The following MEGF11 variants were observed in gnomAD, a reference collection of about 807,000 sequenced individuals.
MEGF11 encodes the protein multiple epidermal growth factor-like domains protein 11.
In MEGF11, 126 loss-of-function variants were observed where a neutral mutation model predicts 146.6. That is an observed-to-expected ratio of 0.86 (90% CI 0.74 to 1.00). MEGF11 has a LOEUF of 1.00. Ranked by LOEUF, MEGF11 falls within the 50% of genes least tolerant of loss-of-function variation. MEGF11 has a pLI of 0.00. For missense variants in MEGF11, 1,509 were observed against 1,521.2 expected (o/e 0.99, Z 0.13); for synonymous variants, 532 against 583.4 (o/e 0.91, Z 1.27).
chr15:66,003,070 T>C (rs901195625), intron 5 of MEGF11, among the ~76,000 whole-genome samples: 5 of 152,122 alleles, frequency 3.3e-5, no homozygotes, highest in Admixed American at 3.3e-4. Context: ...CTCAATTCAC[T>C]GCAATCTCTG....
At chr15:66,187,983 G>T (rs548014276) in intron 1 of MEGF11, among the ~76,000 whole-genome samples, 1 of 152,160 alleles carries the variant, frequency 6.6e-6, no homozygotes, top group Non-Finnish European at 1.5e-5. Flanking sequence ...AAGTATACAC[G>T]CATGCACACA....
At chr15:66,078,374 C>T (rs1032513791) in intron 5 of MEGF11, among the ~76,000 whole-genome samples, 7 of 152,166 alleles carry the variant, frequency 4.6e-5, no homozygotes, top group East Asian at 3.8e-4. Context: ...TCACACTTGC[C>T]GTAGCCGAGT....
intron 5 of MEGF11, among the ~76,000 whole-genome samples, chr15:65,989,512 AGCAGTAG>A (rs1211413561): frequency 6.6e-6 from 1 of 152,230 alleles, no homozygotes; most frequent in Non-Finnish European, 1.5e-5. Flanking sequence ...GAGTTTACAA[AGCAGTAG>A]GCAGGGAGGC....
Position 66,162,800 on chromosome 15 carries a change from C to A in MEGF11, c.-8-34389G>T, listed in dbSNP as rs536678937. On this transcript the variant is annotated intron_variant, in intron 1 of 25. Transcript: ENST00000395614. ...GCACTTTACTGCTTATCAGTTGTACCTCAACAGGAAAGGAAAAGTAAGAAA... is the reference window on the plus strand; with the variant it reads ...GCACTTTACTGCTTATCAGTTGTACATCAACAGGAAAGGAAAAGTAAGAAA... Among the ~76,000 whole-genome samples the A allele has an allele frequency of 2.6e-5, 4 of 151,242 alleles. No individual in the cohort carries two copies. The East Asian group carries it at 5.8e-4, about 22-fold the overall frequency.
rs375370770 is a variant in MEGF11, at chr15:66,047,393, A to G, written c.394+47009T>C. ...ACCACTTCCTAGCTAGGCGAGTTAC[A>G]TGTCTTCTCTGAGCCATGGTTTCCT... On this transcript the variant is annotated intron_variant, in intron 5 of 25. Coordinates refer to ENST00000395614, the MANE Select transcript of MEGF11 (RefSeq NM_001385028.1). Among the ~76,000 whole-genome samples the G allele has an allele frequency of 1.6e-4, 24 of 152,116 alleles. No homozygotes were observed. In the South Asian group the frequency reaches 2.9e-3, roughly 18 times the overall value.
chr15:66,076,947 G>T (rs974702263), intron 5 of MEGF11, among the ~76,000 whole-genome samples: 3 of 152,222 alleles, frequency 2.0e-5, no homozygotes, highest in Non-Finnish European at 4.4e-5. Flanking sequence ...AAAGCCTTCA[G>T]CATCCTCTCT....
chr15:65,905,935 C>A lies in MEGF11; in HGVS notation c.3055+150G>T, dbSNP rs2078613105. ...TGATTGCTCCTCCTGGGCACAGCTA[C>A]CCAACAGCCCCAGGCCCTGTGGTCT... On this transcript the variant is annotated intron_variant, in intron 24 of 25. Transcript: ENST00000395614. The A allele has an allele frequency of 7.7e-6, 4 of 516,378 alleles. 1 individual carries two copies. The highest frequency in any genetic ancestry group is 1.4e-5 in the Non-Finnish European group (4 of 292,564). The allele number at this position is 516,378 out of a possible 1,614,324, so 32.0% of individuals were successfully genotyped here.
At chr15:66,006,341 G>C (rs1250686289) in intron 5 of MEGF11, among the ~76,000 whole-genome samples, 1 of 152,202 alleles carries the variant, frequency 6.6e-6, no homozygotes, top group African/African-American at 2.4e-5. Context: ...TGAGTTCCCT[G>C]AGCCTGCAGA....
At chr15:65,901,918 A>G in intron 24 of MEGF11, 1 of 151,862 alleles carries the variant, frequency 6.6e-6, no homozygotes, top group Admixed American at 6.6e-5. Context: ...ATGTTAGTAA[A>G]TAGTTTAGTC....
At chr15:66,210,007 G>A (rs1245669721) in intron 1 of MEGF11, among the ~76,000 whole-genome samples, 1 of 152,014 alleles carries the variant, frequency 6.6e-6, no homozygotes, top group Non-Finnish European at 1.5e-5. Context: ...TTAATTTTTA[G>A]TAGAGATGAG....
intron 5 of MEGF11, among the ~76,000 whole-genome samples, chr15:65,983,888 C>T (rs1350167160): frequency 6.6e-6 from 1 of 152,156 alleles, no homozygotes; most frequent in Non-Finnish European, 1.5e-5. Context: ...TACAAGGTTC[C>T]AGTGTGGCCA....
At chr15:65,905,966 CCTT>C in intron 24 of MEGF11, 116 bp downstream of exon 24, 1 of 756,602 alleles carries the variant, frequency 1.3e-6, no homozygotes, top group Non-Finnish European at 2.1e-6. Context: ...GGTCTTTTAA[CCTT>C]CTGTGGGGGG....
Position 66,183,474 on chromosome 15 carries a change from T to C in MEGF11, c.-8-55063A>G, listed in dbSNP as rs2090607608. Among the ~76,000 whole-genome samples the C allele has an allele frequency of 5.4e-5, 8 of 148,232 alleles. No individual in the cohort carries two copies. The Admixed American group carries it at 5.6e-4, about 10-fold the overall frequency. Reference sequence around the variant, plus strand: ...GAGATTGCGCCACTGCACTCCAGCCTGGGCAACAGAGCAAGATTCCATCCT... The same window carrying C: ...GAGATTGCGCCACTGCACTCCAGCCCGGGCAACAGAGCAAGATTCCATCCT... On this transcript the variant is annotated intron_variant, in intron 1 of 25. Coordinates refer to ENST00000395614, the MANE Select transcript of MEGF11 (RefSeq NM_001385028.1).
chr15:66,186,380 C>A (rs143819008), intron 1 of MEGF11, among the ~76,000 whole-genome samples: 1 of 152,130 alleles, frequency 6.6e-6, no homozygotes, highest in African/African-American at 2.4e-5. Flanking sequence ...GGTGCCAGGA[C>A]CTCAAGCCTT....
chr15:66,091,276 A>C (rs550898588), intron 5 of MEGF11, among the ~76,000 whole-genome samples: 2 of 152,330 alleles, frequency 1.3e-5, no homozygotes, highest in Admixed American at 6.5e-5. Flanking sequence ...AAGCAGGCTC[A>C]AATTACTTGA....
intron 1 of MEGF11, among the ~76,000 whole-genome samples, chr15:66,201,266 C>T (rs765337738): frequency 2.6e-5 from 4 of 152,128 alleles, no homozygotes; most frequent in Admixed American, 6.5e-5. Context: ...GCCTCAGCCT[C>T]AGGAGCACAG....
At chr15:65,943,285 T>C (rs1451071824) in intron 10 of MEGF11, among the ~76,000 whole-genome samples, 1 of 152,122 alleles carries the variant, frequency 6.6e-6, no homozygotes, top group African/African-American at 2.4e-5. Flanking sequence ...ACCCAAACCT[T>C]GTCATTTTTA....
chr15:66,100,021 G>C (rs1049097074), intron 4 of MEGF11, among the ~76,000 whole-genome samples: 2 of 152,198 alleles, frequency 1.3e-5, no homozygotes, highest in East Asian at 3.9e-4. Flanking sequence ...GGAATGAAAG[G>C]AGGCCCCAGT....
intron 5 of MEGF11, among the ~76,000 whole-genome samples, chr15:66,080,790 G>A (rs763949325): frequency 1.3e-5 from 2 of 152,200 alleles, no homozygotes; most frequent in South Asian, 2.1e-4. Flanking sequence ...TCCCCGTCAC[G>A]GTGACTGTGC....
Sources: gnomAD v4.1 joint callset for allele counts (sites outside exome capture counted in the v4.1 genomes callset) on GRCh38, gnomAD v4.1.1 for gene constraint, MANE v1.5 for transcripts, NCBI Gene and HGNC (gene_info 2026-07-23, HGNC 2026-07-21) for gene names.